Variants in ANO9 observed in about 807,000 individuals in gnomAD.
The protein encoded by ANO9 is anoctamin-9.
A neutral mutation model predicts 100.5 loss-of-function variants in ANO9; 80 were observed. The ratio of observed to expected loss-of-function variants is 0.80; its 90% confidence interval spans 0.66 to 0.96. ANO9 has a LOEUF of 0.96. Among genes scored for constraint, ANO9 ranks in the 40% least tolerant of loss-of-function variants. The probability of loss-of-function intolerance (pLI) is 0.00; values close to 1 mark genes in which losing one functional copy is unlikely to be tolerated. For synonymous variants in ANO9, 473 were observed against 435.6 expected (o/e 1.09, Z -1.07); for missense variants, 1,064 against 1,072.7 (o/e 0.99, Z 0.11).
rs753013286 is a variant in ANO9 at position 418,800 on chromosome 11, G to A, written c.2050C>T (p.Arg684Cys). 13 of 1,613,196 alleles carry A rather than the reference G, an allele frequency of 8.1e-6. No individual in the cohort carries two copies. The East Asian group carries it at 1.1e-4, about 14-fold the overall frequency. Residue 684 changes from arginine (R) to cysteine (C), a missense_variant, in exon 22 of 23, where the codon CGC becomes TGC. Arg to Cys is a radical substitution (Grantham distance 180). Transcript: ENST00000332826. Reference protein sequence around the residue: ...NVTLCRYRDYRNPPDYNFSEQ... With the variant: ...NVTLCRYRDYCNPPDYNFSEQ... ...GAGAAGTTGTAATCGGGGGGATTGC[G>A]GTAGTCCCTGTATCTGGGGTAAGGA... is the stretch of plus-strand genomic sequence containing the variant.
At chr11:433,504 G>A (rs112983128) in intron 3 of ANO9, 45 bp from the exon 4 acceptor site, 20 of 1,570,902 alleles carry the variant, frequency 1.3e-5, no homozygotes, top group Admixed American at 5.2e-5. Flanking sequence ...AACCCTCCCC[G>A]CTCTATCCCG....
chr11:423,351 T>A (rs988455070), intron 15 of ANO9, among the ~76,000 whole-genome samples: 2 of 151,998 alleles, frequency 1.3e-5, no homozygotes, highest in Non-Finnish European at 2.9e-5. Context: ...AGAATGGAAT[T>A]TGGTGTATGA....
chr11:439,594 C>T (rs1845696795), intron 1 of ANO9, among the ~76,000 whole-genome samples: 2 of 90,906 alleles, frequency 2.2e-5, no homozygotes, highest in Non-Finnish European at 4.1e-5. Flanking sequence ...GGCCTCATCT[C>T]CTCCTGAGGT....
Position 433,853 on chromosome 11 carries a change from A to C in ANO9, c.166T>G (p.Phe56Val). The C allele has an allele frequency of 1.9e-6, 3 of 1,563,492 alleles. No individual in the cohort carries two copies. The highest frequency in any genetic ancestry group is 2.6e-6 in the Non-Finnish European group (3 of 1,154,206). Residue 56 changes from phenylalanine (F) to valine (V), a missense_variant, in exon 3 of 23, where the codon TTC becomes GTC. Transcript: ENST00000332826. ...CCCTTTCTCCTGAGCTCCTCCAGGA[A>C]CTGTTGCTGCCGCGCCTGCCGGGGG... is the stretch of plus-strand genomic sequence containing the variant. ...RDPRQARQQQ[F>V]LEELRRKGFH...
intron 11 of ANO9, 77 bp from the exon 12 acceptor site, chr11:428,903 T>G: frequency 7.2e-7 from 1 of 1,383,972 alleles, no homozygotes; most frequent in Non-Finnish European, 1.0e-6. Flanking sequence ...GAGACACACC[T>G]CACGGGTGGA....
intron 20 of ANO9, 138 bp from the exon 21 acceptor site, chr11:419,127 G>T: frequency 6.7e-7 from 1 of 1,481,964 alleles, no homozygotes; most frequent in African/African-American, 1.4e-5. Context: ...AGTGGGACGG[G>T]GCTCCCGGGC....
chr11:431,936 G>A, intron 5 of ANO9, 30 bp from the exon 6 acceptor site: 3 of 1,611,856 alleles, frequency 1.9e-6, no homozygotes, highest in Non-Finnish European at 2.5e-6. Flanking sequence ...GAGTCAGGGG[G>A]AGTGAGGTGC....
In ANO9 at chr11:418,833, G is replaced by A. The variant is rs1159001622; in HGVS notation, c.2037-20C>T. ...CTGTATCTGGGGTAAGGAAGTACCT[G>A]AGGTCAGGGGTCAGGAGTTCAGAGG... is the stretch of plus-strand genomic sequence containing the variant. On this transcript the variant is annotated intron_variant, in intron 21 of 22. Coordinates refer to ENST00000332826, the MANE Select transcript of ANO9 (RefSeq NM_001012302.3). 2 of 1,613,534 alleles carry A rather than the reference G, an allele frequency of 1.2e-6. No individual in the cohort carries two copies. The highest frequency in any genetic ancestry group is 4.5e-5 in the East Asian group (2 of 44,890).
chr11:418,732 G>A lies in ANO9; in HGVS notation c.2118C>T (p.Val706=). 1 of 1,613,016 alleles carries A rather than the reference G, an allele frequency of 6.2e-7. No individual in the cohort carries two copies. The highest frequency in any genetic ancestry group is 8.5e-7 in the Non-Finnish European group (1 of 1,180,012). Residue 706 remains valine, a synonymous_variant, in exon 22 of 23, where the codon GTC becomes GTT. Transcript: ENST00000332826. Reference sequence around the variant, plus strand: ...GGTTCTGGCTCACCTCAAAGAGGATGACGAAGGCCAGGCGGATGGCCAGGA... The same window carrying A: ...GGTTCTGGCTCACCTCAAAGAGGATAACGAAGGCCAGGCGGATGGCCAGGA... The part of the protein sequence containing the change: ...WFLLAIRLAF[V]ILFEHVALCI...
At chr11:420,207 C>T in intron 19 of ANO9, 1 of 1,406,394 alleles carries the variant, frequency 7.1e-7, no homozygotes, top group Non-Finnish European at 9.2e-7. Flanking sequence ...ACCTGGGTCC[C>T]CCTTGGGGGC....
rs115525419 is a variant in ANO9, at chr11:423,413, A to G, written c.1335-2215T>C. 6.3e-3 allele frequency among the ~76,000 whole-genome samples: 957 copies of G among 152,328 alleles called. 10 individuals are homozygous for G. Among genetic ancestry groups the G allele is most frequent in the African/African-American group, 0.021 (887 of 41,570 alleles). ...GGTGATGGGGATGGTTAGTCAATCAATGGTTTGGGGACAACTGGGTGCCAT... is the reference window on the plus strand; with the variant it reads ...GGTGATGGGGATGGTTAGTCAATCAGTGGTTTGGGGACAACTGGGTGCCAT... On this transcript the variant is annotated intron_variant, in intron 15 of 22. Transcript: ENST00000332826.
chr11:428,639 T>C lies in ANO9; in HGVS notation c.1021A>G (p.Ile341Val), dbSNP rs1267877362. The C allele has an allele frequency of 2.5e-6, 4 of 1,611,698 alleles. No homozygotes were observed. The African/African-American group carries it at 5.3e-5, about 22-fold the overall frequency. ...TGGGCCATGCCGATCATGAGGCAGA[T>C]CTGCGGGACAGCTGTGGTGGGCGGG... is the stretch of plus-strand genomic sequence containing the variant. Reference protein sequence around the residue: ...TVILVLTLLMICLMIGMAHVL... With the variant: ...TVILVLTLLMVCLMIGMAHVL... The change falls in exon 13 of 23, where the codon ATC (isoleucine) becomes GTC (valine). Residue 341 changes from isoleucine to valine, a missense_variant and splice_region_variant. Ile to Val is a conservative substitution (Grantham distance 29, BLOSUM62 3). Coordinates refer to ENST00000332826, the MANE Select transcript of ANO9 (RefSeq NM_001012302.3).
chr11:421,300 G>C lies in ANO9; in HGVS notation c.1335-102C>G, dbSNP rs1370877659. On this transcript the variant is annotated intron_variant, in intron 15 of 22. Transcript: ENST00000332826. This position sits in a 1 kb window ranked among gnomAD's most constrained non-coding sequence, Gnocchi z 6.8. ...CGGGTAGGAAAGACACAGAACAGGC[G>C]GGGCAGGCCCTGCAGGTGAGCGGGG... 1.2e-5 allele frequency: 16 copies of C among 1,288,844 alleles called. No homozygotes were observed. The highest frequency in any genetic ancestry group is 9.0e-5 in the African/African-American group (6 of 66,616). 79.8% of individuals were successfully genotyped at this position (1,288,844 alleles called of 1,614,324 possible). A position where few individuals can be genotyped will look rare whatever the true frequency, so the allele number is the denominator to read the frequency against.
At chr11:424,377 T>C (rs1450958507) in intron 15 of ANO9, among the ~76,000 whole-genome samples, 1 of 152,236 alleles carries the variant, frequency 6.6e-6, no homozygotes, top group African/African-American at 2.4e-5. Flanking sequence ...CCAGACTTTG[T>C]GGTTTTTATC....
rs1849066728 is a variant in ANO9, at chr11:432,176, C to T, written c.351-122G>A. The T allele has an allele frequency of 3.8e-6, 4 of 1,042,108 alleles. No homozygotes were observed. The highest frequency in any genetic ancestry group is 3.0e-4 in the Middle Eastern group (1 of 3,372). 64.6% of individuals were successfully genotyped at this position (1,042,108 alleles called of 1,614,324 possible). A position where few individuals can be genotyped will look rare whatever the true frequency, so the allele number is the denominator to read the frequency against. Reference sequence around the variant, plus strand: ...CTGTCCTGGCAGAGCCCCCAGCCTGCCAGCCCTGACCAGAGCCCAGAATCC... The same window carrying T: ...CTGTCCTGGCAGAGCCCCCAGCCTGTCAGCCCTGACCAGAGCCCAGAATCC... On this transcript the variant is annotated intron_variant, in intron 4 of 22. Transcript: ENST00000332826. This position sits in a 1 kb window ranked among gnomAD's most constrained non-coding sequence, Gnocchi z 4.8.
rs567596402 is a variant in ANO9, at chr11:433,199, C to G, written c.350+115G>C. 3 of 1,417,770 alleles carry G rather than the reference C, an allele frequency of 2.1e-6. No individual in the cohort carries two copies. In the African/African-American group the frequency reaches 4.3e-5, roughly 21 times the overall value. 87.8% of individuals were successfully genotyped at this position (1,417,770 alleles called of 1,614,324 possible). A position where few individuals can be genotyped will look rare whatever the true frequency, so the allele number is the denominator to read the frequency against. On this transcript the variant is annotated intron_variant, in intron 4 of 22. Coordinates refer to ENST00000332826, the MANE Select transcript of ANO9 (RefSeq NM_001012302.3). The stretch of plus-strand genomic sequence containing the variant: ...CTGTGGCCCCTGCCCTGAGACCACA[C>G]GGCTGTCCTGCCTTGGCGACGCCTG...
Position 422,894 on chromosome 11 carries a change from A to T in ANO9, c.1335-1696T>A, listed in dbSNP as rs1300628705. Reference sequence around the variant, plus strand: ...ACCCAGGCTGGAGTGCAATGGCATGATCTTGGCTCACTACAACCTCCACCT... The same window carrying T: ...ACCCAGGCTGGAGTGCAATGGCATGTTCTTGGCTCACTACAACCTCCACCT... On this transcript the variant is annotated intron_variant, in intron 15 of 22. Coordinates refer to ENST00000332826, the MANE Select transcript of ANO9 (RefSeq NM_001012302.3). The surrounding 1 kb of genome is among the most constrained non-coding windows in gnomAD (Gnocchi z 4.3). 6.7e-6 allele frequency among the ~76,000 whole-genome samples: 1 copy of T among 149,500 alleles called. No individual in the cohort carries two copies. The highest frequency in any genetic ancestry group is 2.5e-5 in the African/African-American group (1 of 40,348).
chr11:427,606 C>A (rs1005023051), intron 15 of ANO9, among the ~76,000 whole-genome samples: 1 of 152,074 alleles, frequency 6.6e-6, no homozygotes. Flanking sequence ...GTGGTGCACG[C>A]CTGTAATCCC....
rs781413334 is a variant in ANO9 at position 418,946 on chromosome 11, T to C, written c.1978A>G (p.Thr660Ala). ...CCATCAGGGTCCTGGAAGTCCTTGG[T>C]GTGGAAGACGGACAGGCTGTGGTTG... ...YVNHSLSVFH[T>A]KDFQDPDGIE... The change falls in exon 21 of 23, where the codon ACC becomes GCC. Residue 660 changes from threonine to alanine, a missense_variant. By Grantham distance (58) the Thr-to-Ala change is moderately conservative. Transcript: ENST00000332826. 1 of 1,612,894 alleles carries C rather than the reference T, an allele frequency of 6.2e-7. No individual in the cohort carries two copies. Among genetic ancestry groups the C allele is most frequent in the Non-Finnish European group, 8.5e-7 (1 of 1,179,766 alleles).
Sources: allele counts gnomAD v4.1 joint callset (sites outside exome capture counted in the v4.1 genomes callset), GRCh38; gene constraint gnomAD v4.1.1; non-coding constraint Gnocchi (gnomAD v3.1); transcripts MANE v1.5; gene names NCBI Gene and HGNC (gene_info 2026-07-23, HGNC 2026-07-21).